Variants in LRP6 observed in about 807,000 individuals in gnomAD.
LRP6 encodes the protein low-density lipoprotein receptor-related protein 6.
Under a neutral mutation model 184.1 loss-of-function variants are expected in LRP6, and 43 were observed. The observed-to-expected ratio is 0.23, with a 90% CI of 0.18 to 0.30. LRP6 has a LOEUF of 0.30. LRP6 is among the 10% of genes least tolerant of loss of function. LRP6 has a pLI of 1.00. For synonymous variants in LRP6, 719 were observed against 684.9 expected (o/e 1.05, Z -0.78); for missense variants, 1,571 against 2,005.3 (o/e 0.78, Z 4.14).
At chr12:12,203,632 G>A (rs1295688530) in intron 2 of LRP6, among the ~76,000 whole-genome samples, 1 of 152,106 alleles carries the variant, frequency 6.6e-6, no homozygotes, top group African/African-American at 2.4e-5. Context: ...GGGCATGGTG[G>A]TGGTGTGTGC....
chr12:12,212,937 G>A (rs1490665178), intron 2 of LRP6, among the ~76,000 whole-genome samples: 1 of 152,176 alleles, frequency 6.6e-6, no homozygotes, highest in African/African-American at 2.4e-5. Context: ...ACTTTGCCCA[G>A]ATGCCGCAGG....
At chr12:12,257,812 T>TAAAAAAAAAA (rs1865507818) in intron 1 of LRP6, among the ~76,000 whole-genome samples, 108 of 67,260 alleles carry the variant, frequency 1.6e-3, no homozygotes, top group Non-Finnish European at 2.2e-3. Context: ...AAAAAAAAAT[T>TAAAAAAAAAA]AAAAATGAGC....
At chr12:12,240,694 C>A (rs190414351) in intron 2 of LRP6, among the ~76,000 whole-genome samples, 1 of 152,066 alleles carries the variant, frequency 6.6e-6, no homozygotes, top group East Asian at 1.9e-4. Context: ...TAAAAAAAAT[C>A]TAAAATGATT....
chr12:12,232,193 C>T (rs1008201977), intron 2 of LRP6, among the ~76,000 whole-genome samples: 3 of 151,658 alleles, frequency 2.0e-5, no homozygotes, highest in Non-Finnish European at 4.4e-5. Context: ...ACCATCCTGG[C>T]TAACATGGTG....
At chr12:12,244,939 A>G (rs1181882282) in intron 1 of LRP6, among the ~76,000 whole-genome samples, 3 of 152,222 alleles carry the variant, frequency 2.0e-5, no homozygotes, top group Non-Finnish European at 1.5e-5. Flanking sequence ...AGAATTGGCA[A>G]TAATATGGAG....
intron 2 of LRP6, among the ~76,000 whole-genome samples, chr12:12,228,382 A>T (rs1864687330): frequency 6.6e-6 from 1 of 152,154 alleles, no homozygotes. Context: ...AAGAAAGAGA[A>T]CCTAACAGGA....
In LRP6 at chr12:12,181,439, C is replaced by T; in HGVS notation, c.977G>A (p.Gly326Asp). Residue 326 changes from glycine to aspartate, a missense_variant and splice_region_variant, in exon 6 of 23, where the codon GGT (glycine) becomes GAT (aspartate). Gly to Asp is a moderately conservative substitution (Grantham distance 94). Transcript: ENST00000261349. Reference sequence around the variant, plus strand: ...AGCTAAAAGCAATAATTCTGTGGCACCTAGAACAACAAAGTGAAATGAAGA... The same window carrying T: ...AGCTAAAAGCAATAATTCTGTGGCATCTAGAACAACAAAGTGAAATGAAGA... ...LLENGKTCKD[G>D]ATELLLLARR... The T allele has an allele frequency of 8.8e-7, 1 of 1,132,166 alleles. No individual in the cohort carries two copies. The highest frequency in any genetic ancestry group is 1.5e-5 in the African/African-American group (1 of 66,108). The allele number at this position is 1,132,166 out of a possible 1,614,324, so 70.1% of individuals were successfully genotyped here.
chr12:12,138,837 T>C (rs752570613), intron 15 of LRP6: 5 of 1,394,534 alleles, frequency 3.6e-6, no homozygotes, highest in Non-Finnish European at 4.8e-6. Context: ...ATACAACAGA[T>C]AAAAATGGCA....
chr12:12,148,662 C>G (rs879737934), intron 14 of LRP6, among the ~76,000 whole-genome samples: 1 of 152,214 alleles, frequency 6.6e-6, no homozygotes, highest in South Asian at 2.1e-4. Context: ...TGAGGTAGAT[C>G]GAGGAAAACT....
At chr12:12,211,722 C>G (rs1016072433) in intron 2 of LRP6, among the ~76,000 whole-genome samples, 1 of 152,170 alleles carries the variant, frequency 6.6e-6, no homozygotes, top group African/African-American at 2.4e-5. Context: ...CTTAAGCACC[C>G]AGTCTAGTCG....
chr12:12,192,529 A>G (rs1287818256), intron 3 of LRP6, among the ~76,000 whole-genome samples: 1 of 152,050 alleles, frequency 6.6e-6, no homozygotes, highest in Non-Finnish European at 1.5e-5. Flanking sequence ...ATAAAAGCAC[A>G]TTTTACATTC....
At chr12:12,201,150 G>C (rs1050119135) in intron 3 of LRP6, among the ~76,000 whole-genome samples, 1 of 152,108 alleles carries the variant, frequency 6.6e-6, no homozygotes, top group Non-Finnish European at 1.5e-5. Context: ...ACTAGCCGTT[G>C]ATCTTCCCAT....
chr12:12,182,547 A>G (rs1323317945), intron 5 of LRP6, among the ~76,000 whole-genome samples: 1 of 152,236 alleles, frequency 6.6e-6, no homozygotes, highest in Non-Finnish European at 1.5e-5. Context: ...AGCTAAATAA[A>G]TGAGTCCAAA....
chr12:12,151,605 C>T (rs1398320349), intron 12 of LRP6, among the ~76,000 whole-genome samples: 1 of 152,138 alleles, frequency 6.6e-6, no homozygotes, highest in African/African-American at 2.4e-5. Flanking sequence ...TTGTCCCTCT[C>T]ACTGAGTTGC....
chr12:12,257,310 GGCTCAC>G (rs1236061053), intron 1 of LRP6, among the ~76,000 whole-genome samples: 1 of 152,132 alleles, frequency 6.6e-6, no homozygotes, highest in Admixed American at 6.5e-5. Context: ...CGGGTGCGGT[GGCTCAC>G]GCCTGTAATC....
At chr12:12,173,634 C>T (rs1123213) in intron 7 of LRP6, among the ~76,000 whole-genome samples, 11,824 of 152,128 alleles carry the variant, frequency 0.078, 515 homozygotes, top group Admixed American at 0.11. Context: ...TGCACTACCA[C>T]GCCCAGCTAA....
intron 2 of LRP6, among the ~76,000 whole-genome samples, chr12:12,213,520 T>C (rs1864265489): frequency 1.3e-5 from 2 of 152,154 alleles, no homozygotes; most frequent in East Asian, 3.8e-4. Context: ...CAAAATTTGG[T>C]TGAATCAGTA....
intron 12 of LRP6, chr12:12,155,867 C>G (rs985932033): frequency 1.6e-6 from 1 of 611,830 alleles, no homozygotes; most frequent in African/African-American, 1.9e-5. Flanking sequence ...GGTAAAACAG[C>G]GTATGTGTTT....
At chr12:12,235,186 G>C (rs1461017482) in intron 2 of LRP6, among the ~76,000 whole-genome samples, 2 of 152,152 alleles carry the variant, frequency 1.3e-5, no homozygotes, top group Admixed American at 1.3e-4. Flanking sequence ...TGTACACTAA[G>C]ATGGGCAAAT....
Sources: gnomAD v4.1 joint callset for allele counts (sites outside exome capture counted in the v4.1 genomes callset) on GRCh38, gnomAD v4.1.1 for gene constraint, MANE v1.5 for transcripts, NCBI Gene and HGNC (gene_info 2026-07-23, HGNC 2026-07-21) for gene names.